Variants in WDR70 observed in about 807,000 individuals in gnomAD.
WDR70 encodes WD repeat-containing protein 70.
Under a neutral mutation model 88.6 loss-of-function variants are expected in WDR70, and 53 were observed. That is an observed-to-expected ratio of 0.60 (90% CI 0.48 to 0.75). The LOEUF is 0.75. WDR70 is among the 30% of genes least tolerant of loss of function. The probability of loss-of-function intolerance (pLI) is 0.00; values close to 1 mark genes in which losing one functional copy is unlikely to be tolerated. For missense variants in WDR70, 610 were observed against 823.2 expected (o/e 0.74, Z 3.17); for synonymous variants, 280 against 270.0 (o/e 1.04, Z -0.36).
At chr5:37,565,874 T>C (rs1046805773) in intron 9 of WDR70, among the ~76,000 whole-genome samples, 6 of 152,110 alleles carry the variant, frequency 3.9e-5, no homozygotes, top group African/African-American at 9.6e-5. Flanking sequence ...GTTCAGCATA[T>C]TAGATATGGA....
chr5:37,551,646 C>T (rs1019347313), intron 9 of WDR70, among the ~76,000 whole-genome samples: 36 of 148,174 alleles, frequency 2.4e-4, no homozygotes, highest in Non-Finnish European at 4.6e-4. Flanking sequence ...GAGAATCGCT[C>T]GAACCCAGGA....
intron 15 of WDR70, chr5:37,723,390 G>A (rs1747882901): frequency 1.3e-5 from 2 of 157,610 alleles, no homozygotes; most frequent in Non-Finnish European, 2.8e-5. Context: ...ATGACCATGT[G>A]CTAGACTGAT....
rs1749571882 is a variant in WDR70 at position 37,413,008 on chromosome 5, G to T, written c.492+16438G>T. 2.6e-5 allele frequency among the ~76,000 whole-genome samples: 4 copies of T among 151,950 alleles called. No individual in the cohort carries two copies. The South Asian group carries it at 8.3e-4, about 31-fold the overall frequency. ...ATTGAAGTTGACTTCAATTAAAGAA[G>T]AAAAGTTTTAAAAAATTGGTATGAG... is the stretch of plus-strand genomic sequence containing the variant. On this transcript the variant is annotated intron_variant, in intron 5 of 17. Coordinates refer to ENST00000265107, the MANE Select transcript of WDR70 (RefSeq NM_018034.4).
At chr5:37,532,850 T>A (rs1263407305) in intron 9 of WDR70, among the ~76,000 whole-genome samples, 3 of 152,164 alleles carry the variant, frequency 2.0e-5, no homozygotes. Context: ...TTTGTCATAT[T>A]GCCAGAGTTG....
chr5:37,571,014 A>ATT (rs144517943), intron 9 of WDR70, among the ~76,000 whole-genome samples: 1 of 149,470 alleles, frequency 6.7e-6, no homozygotes, highest in South Asian at 2.1e-4. Flanking sequence ...AGTTTGTATG[A>ATT]TTTTTTTTTT....
intron 10 of WDR70, among the ~76,000 whole-genome samples, chr5:37,689,913 C>T (rs907662253): frequency 5.9e-5 from 9 of 152,092 alleles, no homozygotes; most frequent in African/African-American, 1.4e-4. Flanking sequence ...CAAACTTCTC[C>T]GAGCTAAAGG....
intron 17 of WDR70, among the ~76,000 whole-genome samples, chr5:37,747,315 G>A (rs555418952): frequency 1.2e-4 from 18 of 152,052 alleles, no homozygotes; most frequent in African/African-American, 2.4e-4. Flanking sequence ...ATAAAACCAC[G>A]AGATACCATC....
rs562560925 is a variant in WDR70, at chr5:37,628,851, C to G, written c.1092+23613C>G. Among the ~76,000 whole-genome samples the G allele has an allele frequency of 1.1e-4, 16 of 152,254 alleles. No individual in the cohort carries two copies. The East Asian group carries it at 2.9e-3, about 28-fold the overall frequency. The stretch of plus-strand genomic sequence containing the variant: ...TTATTTTCTCTTCTTACTTTTGTAT[C>G]AGCTCTACCAGTGAGTTTTATAGTT... On this transcript the variant is annotated intron_variant, in intron 10 of 17. Coordinates refer to ENST00000265107, the MANE Select transcript of WDR70 (RefSeq NM_018034.4).
chr5:37,568,535 T>C (rs558797870), intron 9 of WDR70, among the ~76,000 whole-genome samples: 1 of 152,316 alleles, frequency 6.6e-6, no homozygotes, highest in African/African-American at 2.4e-5. Flanking sequence ...CACAATAAAG[T>C]TATTTATCAA....
intron 8 of WDR70, among the ~76,000 whole-genome samples, chr5:37,494,647 A>G (rs1035765849): frequency 1.3e-5 from 2 of 152,220 alleles, no homozygotes; most frequent in South Asian, 4.1e-4. Context: ...ATATTTGGTG[A>G]TAAATATTTG....
intron 5 of WDR70, among the ~76,000 whole-genome samples, chr5:37,415,465 C>A (rs1437211765): frequency 2.5e-5 from 2 of 78,704 alleles, no homozygotes; most frequent in African/African-American, 4.1e-5. Flanking sequence ...GGGGGCTGAT[C>A]CCCCCACCTC....
intron 9 of WDR70, among the ~76,000 whole-genome samples, chr5:37,549,344 T>C (rs1202695959): frequency 6.6e-6 from 1 of 152,206 alleles, no homozygotes; most frequent in African/African-American, 2.4e-5. Flanking sequence ...ATTGTAGAGA[T>C]CTTTTACTTC....
chr5:37,538,176 T>C (rs1741716434), intron 9 of WDR70, among the ~76,000 whole-genome samples: 1 of 152,198 alleles, frequency 6.6e-6, no homozygotes, highest in Non-Finnish European at 1.5e-5. Flanking sequence ...CAGGCTCTGT[T>C]GTATTCATAA....
chr5:37,484,115 C>T lies in WDR70; in HGVS notation c.840+4128C>T, dbSNP rs565701079. Among the ~76,000 whole-genome samples, 483 of 152,242 alleles carry T rather than the reference C, an allele frequency of 3.2e-3. 3 individuals are homozygous for T. Among genetic ancestry groups the T allele is most frequent in the African/African-American group, 0.011 (453 of 41,524 alleles). ...GGCTCCTCACATCCCAGACGATGGG[C>T]GGCCAGGCAGAGACGCTCCTTACTT... On this transcript the variant is annotated intron_variant, in intron 8 of 17. Transcript: ENST00000265107.
chr5:37,704,260 A>G (rs1206707427), intron 13 of WDR70, among the ~76,000 whole-genome samples: 1 of 152,252 alleles, frequency 6.6e-6, no homozygotes, highest in Non-Finnish European at 1.5e-5. Flanking sequence ...AATTGAATCT[A>G]TCAACTTTCA....
chr5:37,699,737 C>A (rs1747095818), intron 11 of WDR70, among the ~76,000 whole-genome samples: 1 of 151,900 alleles, frequency 6.6e-6, no homozygotes, highest in South Asian at 2.1e-4. Flanking sequence ...CACTTGAGGC[C>A]AGGAGTTTGA....
Position 37,396,376 on chromosome 5 carries a change from G to T in WDR70, c.298G>T (p.Asp100Tyr), listed in dbSNP as rs1218882605. 4 of 1,604,230 alleles carry T rather than the reference G, an allele frequency of 2.5e-6. No individual in the cohort carries two copies. The East Asian group carries it at 8.9e-5, about 36-fold the overall frequency. ...VRDCSKSSSRDTSSSESEQSS... is the reference protein window; with the variant it reads ...VRDCSKSSSRYTSSSESEQSS... ...GAGTTTCTGTTTCTGTATTTTCAGG[G>T]ATACGAGCAGCAGTGAAAGTGAACA... The change falls in exon 5 of 18, where the codon GAT (aspartate) becomes TAT (tyrosine). Residue 100 changes from aspartate (D) to tyrosine (Y), a missense_variant and splice_region_variant. This residue lies in a region of WDR70 where 203 missense variants were observed against 228.1 expected (regional missense o/e 0.89). Transcript: ENST00000265107.
intron 12 of WDR70, 29 bp from the exon 13 acceptor site, chr5:37,702,920 T>G (rs41270339): frequency 0.039 from 61,931 of 1,592,152 alleles, 1,443 homozygotes; most frequent in Middle Eastern, 0.11. Flanking sequence ...GGTCATAAGC[T>G]TATACTCGTA....
chr5:37,551,230 G>T (rs186650344), intron 9 of WDR70, among the ~76,000 whole-genome samples: 1 of 151,702 alleles, frequency 6.6e-6, no homozygotes, highest in Non-Finnish European at 1.5e-5. Flanking sequence ...ACTTGAACCC[G>T]GGAGGCAGAG....
Sources: gnomAD v4.1 joint callset for allele counts (sites outside exome capture counted in the v4.1 genomes callset) on GRCh38, gnomAD v4.1.1 for gene constraint, gnomAD v4.1.1 regional missense constraint, MANE v1.5 for transcripts, NCBI Gene and HGNC (gene_info 2026-07-23, HGNC 2026-07-21) for gene names.